PCOLCE2: variants seen among roughly 807,000 people sequenced by gnomAD.
The protein encoded by PCOLCE2 is procollagen C-proteinase enhancer 2.
A neutral mutation model predicts 47.0 loss-of-function variants in PCOLCE2; 42 were observed. The observed-to-expected ratio is 0.89, with a 90% CI of 0.70 to 1.16. The LOEUF (loss-of-function observed/expected upper bound fraction) is 1.16, where lower values mean the gene tolerates loss of function less well. Ranked by LOEUF, PCOLCE2 falls within the 50% of genes most tolerant of loss-of-function variation. The probability of loss-of-function intolerance (pLI) is 0.00; values close to 1 mark genes in which losing one functional copy is unlikely to be tolerated. For synonymous variants in PCOLCE2, 169 were observed against 191.7 expected, an observed-to-expected ratio of 0.88 and a Z score of 0.98; for missense variants, 500 against 526.1, an observed-to-expected ratio of 0.95 and a Z score of 0.49.
Position 142,887,399 on chromosome 3 carries a change from A to G in PCOLCE2, c.192+270T>C, listed in dbSNP as rs541954287. On this transcript the variant is annotated intron_variant, in intron 2 of 8. Transcript: ENST00000295992. ...TTTAATTATGAATCTATAAAACTCA[A>G]CTGAGTCACACTGGGCTTTCAGAAA... 1.3e-5 allele frequency: 4 copies of G among 296,938 alleles called. No individual in the cohort carries two copies. The South Asian group carries it at 3.5e-4, about 26-fold the overall frequency. The allele number at this position is 296,938 out of a possible 1,614,324, so 18.4% of individuals were successfully genotyped here.
chr3:142,883,704 A>AC (rs1020816872), intron 2 of PCOLCE2, among the ~76,000 whole-genome samples: 9 of 144,906 alleles, frequency 6.2e-5, no homozygotes, highest in Non-Finnish European at 1.4e-4. Flanking sequence ...TTCTTTAAAA[A>AC]AAAAAAAAAC....
chr3:142,848,186 T>C (rs769988017), intron 3 of PCOLCE2, 31 bp downstream of exon 3: 2 of 1,604,908 alleles, frequency 1.2e-6, no homozygotes, highest in Admixed American at 1.7e-5. Context: ...CCAACATTAC[T>C]GTTGTTATTG....
At chr3:142,834,100 C>T (rs985584090) in intron 5 of PCOLCE2, among the ~76,000 whole-genome samples, 5 of 152,176 alleles carry the variant, frequency 3.3e-5, no homozygotes, top group African/African-American at 1.2e-4. Context: ...GCCCAATCTG[C>T]AGATACATGT....
chr3:142,848,438 C>A lies in PCOLCE2; in HGVS notation c.227G>T (p.Arg76Leu), dbSNP rs143959509. ...PEGKVVVLNFRFIDLESDNLC... is the reference protein window; with the variant it reads ...PEGKVVVLNFLFIDLESDNLC... ...GTTGTCACTCTCGAGGTCTATGAAT[C>A]GGAAATTGAGAACGACTACTTTTCC... Residue 76 changes from arginine to leucine, a missense_variant, in exon 3 of 9, where the codon CGA becomes CTA. By Grantham distance (102) the Arg-to-Leu change is moderately radical. Transcript: ENST00000295992. 2 of 1,602,546 alleles carry A rather than the reference C, an allele frequency of 1.2e-6. No individual in the cohort carries two copies. The highest frequency in any genetic ancestry group is 8.5e-7 in the Non-Finnish European group (1 of 1,170,840).
At chr3:142,843,669 A>G (rs1250927949) in intron 3 of PCOLCE2, among the ~76,000 whole-genome samples, 2 of 152,132 alleles carry the variant, frequency 1.3e-5, no homozygotes, top group African/African-American at 4.8e-5. Flanking sequence ...CATTTCAGGC[A>G]TCTGTACTCA....
rs564620762 is a variant in PCOLCE2 at position 142,879,735 on chromosome 3, C to T, written c.192+7934G>A. Among the ~76,000 whole-genome samples the T allele has an allele frequency of 7.2e-5, 11 of 152,144 alleles. No homozygotes were observed. In the East Asian group the frequency reaches 1.7e-3, roughly 24 times the overall value. On this transcript the variant is annotated intron_variant, in intron 2 of 8. Coordinates refer to ENST00000295992, the MANE Select transcript of PCOLCE2 (RefSeq NM_013363.4). ...CTATAATCCCGGCACTTTGGGAGGC[C>T]GAGGAGGGCGGATCACGAGGTCAGG...
At chr3:142,837,754 A>G (rs1044530389) in intron 5 of PCOLCE2, among the ~76,000 whole-genome samples, 1 of 152,236 alleles carries the variant, frequency 6.6e-6, no homozygotes, top group African/African-American at 2.4e-5. Flanking sequence ...AAATGCAGTT[A>G]CATAATTACA....
At chr3:142,838,731 G>A (rs1342779903) in intron 5 of PCOLCE2, 39 bp downstream of exon 5, 1 of 1,564,696 alleles carries the variant, frequency 6.4e-7, no homozygotes, top group East Asian at 2.3e-5. Flanking sequence ...CAAGTTTAGA[G>A]CCATAAAACT....
intron 6 of PCOLCE2, among the ~76,000 whole-genome samples, 157 bp from the exon 7 acceptor site, chr3:142,823,772 C>G (rs1937042828): frequency 6.6e-6 from 1 of 152,224 alleles, no homozygotes; most frequent in Non-Finnish European, 1.5e-5. Context: ...ATAAATTCTC[C>G]ATGCTACCAA....
chr3:142,821,135 A>T (rs957793687), intron 7 of PCOLCE2, 90 bp from the exon 8 acceptor site: 41 of 995,380 alleles, frequency 4.1e-5, no homozygotes, highest in Non-Finnish European at 6.0e-5. Context: ...TAAGTTTCAG[A>T]TACGAAACAT....
At chr3:142,860,122 G>T (rs1259170591) in intron 2 of PCOLCE2, among the ~76,000 whole-genome samples, 1 of 152,166 alleles carries the variant, frequency 6.6e-6, no homozygotes. Context: ...TGGGAAATAA[G>T]TCCTTGCCCT....
At chr3:142,854,205 G>GTA (rs1213005655) in intron 2 of PCOLCE2, among the ~76,000 whole-genome samples, 1 of 87,046 alleles carries the variant, frequency 1.1e-5, no homozygotes, top group Non-Finnish European at 2.7e-5. Context: ...TGTTTTTGCA[G>GTA]CACGTGATTT....
intron 6 of PCOLCE2, 118 bp from the exon 7 acceptor site, chr3:142,823,733 TA>T: frequency 1.6e-6 from 1 of 641,470 alleles, no homozygotes; most frequent in East Asian, 2.7e-5. Flanking sequence ...AATCTATCAC[TA>T]CAAAGAAAAA....
At chr3:142,833,681 G>A (rs563748456) in intron 5 of PCOLCE2, among the ~76,000 whole-genome samples, 2 of 152,190 alleles carry the variant, frequency 1.3e-5, no homozygotes, top group South Asian at 2.1e-4. Flanking sequence ...AAAAGTGGTC[G>A]TACCAATTCA....
intron 2 of PCOLCE2, among the ~76,000 whole-genome samples, chr3:142,867,665 T>C (rs956017538): frequency 3.9e-5 from 6 of 152,142 alleles, no homozygotes; most frequent in Non-Finnish European, 5.9e-5. Context: ...CAACGTGATA[T>C]GACTAGAATT....
chr3:142,884,003 A>T (rs183898987), intron 2 of PCOLCE2, among the ~76,000 whole-genome samples: 1 of 152,156 alleles, frequency 6.6e-6, no homozygotes, highest in Non-Finnish European at 1.5e-5. Context: ...AAATTCGCCT[A>T]TGTGTCTCCT....
chr3:142,872,399 C>T (rs1373715831), intron 2 of PCOLCE2, among the ~76,000 whole-genome samples: 1 of 152,084 alleles, frequency 6.6e-6, no homozygotes, highest in Non-Finnish European at 1.5e-5. Flanking sequence ...GGATCTACCC[C>T]ACTTCCTCCT....
intron 6 of PCOLCE2, chr3:142,827,640 T>C: frequency 6.8e-7 from 1 of 1,466,684 alleles, no homozygotes; most frequent in Non-Finnish European, 9.5e-7. Flanking sequence ...TCGGCAGCAA[T>C]GAAAAGCTCC....
chr3:142,860,773 G>A (rs1181981595), intron 2 of PCOLCE2, among the ~76,000 whole-genome samples: 5 of 152,190 alleles, frequency 3.3e-5, no homozygotes, highest in South Asian at 2.1e-4. Flanking sequence ...TCTCAATACC[G>A]GCCAGGCACC....
Sources: gnomAD v4.1 joint callset for allele counts (sites outside exome capture counted in the v4.1 genomes callset) on GRCh38, gnomAD v4.1.1 for gene constraint, MANE v1.5 for transcripts, NCBI Gene and HGNC (gene_info 2026-07-23, HGNC 2026-07-21) for gene names.